Variants in NAALADL2 observed in about 807,000 individuals in gnomAD.
NAALADL2 encodes inactive N-acetylated-alpha-linked acidic dipeptidase-like protein 2.
In NAALADL2, 76 loss-of-function variants were observed where a neutral mutation model predicts 87.2. The ratio of observed to expected loss-of-function variants is 0.87; its 90% CI spans 0.72 to 1.05. NAALADL2 has a LOEUF of 1.05. Among genes scored for constraint, NAALADL2 ranks in the 50% least tolerant of loss-of-function variants. NAALADL2 has a pLI of 0.00. For synonymous variants in NAALADL2, 354 were observed against 331.0 expected, an observed-to-expected ratio of 1.07 and a Z score of -0.75; for missense variants, 1,089 against 945.8, an observed-to-expected ratio of 1.15 and a Z score of -1.99.
At position 175,698,944 on chromosome 3, in the gene NAALADL2, G is replaced by C. The variant is rs186194214; in HGVS notation, c.1897-38362G>C. Among the ~76,000 whole-genome samples the C allele has an allele frequency of 2.7e-3, 413 of 152,066 alleles. 2 individuals carry two copies. The highest frequency in any genetic ancestry group is 4.1e-3 in the Non-Finnish European group (276 of 67,896). ...CATAAAACTATCTAGCACTAATTCA[G>C]TAATATACAACAACACAGTAAGCTC... On this transcript the variant is annotated intron_variant, in intron 11 of 13. Transcript: ENST00000454872.
intron 1 of NAALADL2, among the ~76,000 whole-genome samples, chr3:174,881,133 A>G (rs1046163479): frequency 6.6e-6 from 1 of 152,218 alleles, no homozygotes; most frequent in South Asian, 2.1e-4. Context: ...GTTTTCAAAT[A>G]AGGTCAAAAA....
At chr3:175,602,713 G>A (rs967636713) in intron 10 of NAALADL2, among the ~76,000 whole-genome samples, 2 of 152,126 alleles carry the variant, frequency 1.3e-5, no homozygotes, top group African/African-American at 2.4e-5. Context: ...GTGATTCAGC[G>A]TTATCAGTTT....
At chr3:175,699,950 T>C (rs2149961669) in intron 11 of NAALADL2, among the ~76,000 whole-genome samples, 1 of 152,272 alleles carries the variant, frequency 6.6e-6, no homozygotes, top group East Asian at 1.9e-4. Flanking sequence ...TTTTCTGTAG[T>C]CCAGTTAGAA....
chr3:175,073,816 C>T (rs950177526), intron 1 of NAALADL2, among the ~76,000 whole-genome samples: 4 of 151,832 alleles, frequency 2.6e-5, no homozygotes, highest in Non-Finnish European at 5.9e-5. Flanking sequence ...TGATGTATTC[C>T]TTATAAAAGA....
chr3:175,293,487 CA>C (rs1269816909), intron 4 of NAALADL2, among the ~76,000 whole-genome samples: 1 of 152,116 alleles, frequency 6.6e-6, no homozygotes, highest in Non-Finnish European at 1.5e-5. Context: ...CCAAACAGTA[CA>C]TTTTTTTGAG....
intron 2 of NAALADL2, among the ~76,000 whole-genome samples, chr3:175,185,246 C>T (rs571371015): frequency 1.3e-5 from 2 of 152,198 alleles, no homozygotes; most frequent in East Asian, 3.9e-4. Flanking sequence ...CCTATCTATA[C>T]AGCTGAAGAT....
At chr3:175,422,443 C>T (rs775638653) in intron 5 of NAALADL2, among the ~76,000 whole-genome samples, 4 of 152,008 alleles carry the variant, frequency 2.6e-5, no homozygotes, top group Admixed American at 2.6e-4. Flanking sequence ...CCACTCTATA[C>T]AATATTCCTG....
At chr3:175,655,695 TAAATAAAATAAAATA>T (rs55666338) in intron 11 of NAALADL2, 16,654 of 148,024 alleles carry the variant, frequency 0.11, 1,272 homozygotes, top group African/African-American at 0.21. Context: ...CTTAAAAAAA[TAAATAAAATAAAATA>T]AAATAAAATA....
intron 5 of NAALADL2, among the ~76,000 whole-genome samples, chr3:175,383,916 C>A (rs1768070606): frequency 1.3e-5 from 2 of 151,958 alleles, no homozygotes; most frequent in African/African-American, 4.8e-5. Context: ...TAATTTTTAC[C>A]ACTGTGACTA....
At chr3:175,196,121 A>G (rs984188433) in intron 2 of NAALADL2, among the ~76,000 whole-genome samples, 6 of 151,876 alleles carry the variant, frequency 4.0e-5, no homozygotes, top group Admixed American at 2.6e-4. Context: ...GATGGAAACA[A>G]TTCAGAAAAA....
At chr3:175,567,768 T>C (rs9838337) in intron 9 of NAALADL2, among the ~76,000 whole-genome samples, 110,794 of 149,994 alleles carry the variant, frequency 0.74, 41,226 homozygotes, top group East Asian at 0.85. Flanking sequence ...CAGGCTGGAG[T>C]GCAGTGGCAC....
At chr3:174,893,718 A>C (rs999894243) in intron 1 of NAALADL2, among the ~76,000 whole-genome samples, 9 of 152,228 alleles carry the variant, frequency 5.9e-5, no homozygotes, top group African/African-American at 2.2e-4. Context: ...AGATAGAATG[A>C]GTACACAAAA....
intron 2 of NAALADL2, among the ~76,000 whole-genome samples, chr3:174,652,642 C>A (rs1048615674): frequency 6.6e-6 from 1 of 152,020 alleles, no homozygotes; most frequent in African/African-American, 2.4e-5. Flanking sequence ...CCCACAGGTC[C>A]CTCCCACAAC....
At chr3:175,491,780 A>G (rs1365672893) in intron 9 of NAALADL2, among the ~76,000 whole-genome samples, 4 of 152,190 alleles carry the variant, frequency 2.6e-5, no homozygotes, top group Non-Finnish European at 4.4e-5. Context: ...GTCAGCACCT[A>G]CAATCTATCT....
In NAALADL2 at chr3:175,447,389, C is replaced by T. The variant is rs375733677; in HGVS notation, c.1234+17C>T. 453 of 1,518,296 alleles carry T rather than the reference C, an allele frequency of 3.0e-4. No homozygotes were observed. Among genetic ancestry groups the T allele is most frequent in the Non-Finnish European group, 3.8e-4 (429 of 1,131,372 alleles). The allele number at this position is 1,518,296 out of a possible 1,614,324, so 94.1% of individuals were successfully genotyped here. ...CAAATAATGGTAAAGTATTTAATGT[C>T]GTTCTCTGTATTTTACAGTTTTTTT... On this transcript the variant is annotated intron_variant, in intron 6 of 13. Transcript: ENST00000454872.
chr3:175,752,053 ATTGT>A (rs1746686255), intron 12 of NAALADL2, among the ~76,000 whole-genome samples: 1 of 152,130 alleles, frequency 6.6e-6, no homozygotes, highest in Non-Finnish European at 1.5e-5. Context: ...TTTTGTAGAC[ATTGT>A]TTAATATAAT....
rs191071522 is a variant in NAALADL2, at chr3:175,249,389, A to T, written c.820-7022A>T. Among the ~76,000 whole-genome samples, 1,469 of 152,192 alleles carry T rather than the reference A, an allele frequency of 9.7e-3. 16 individuals are homozygous for T. The highest frequency in any genetic ancestry group is 0.014 in the Non-Finnish European group (959 of 67,986). ...AATAGAAATGAATTATTTTATCCCC[A>T]TTGCCATATTTATTAAACAATTTGA... On this transcript the variant is annotated intron_variant, in intron 3 of 13. Transcript: ENST00000454872.
intron 3 of NAALADL2, among the ~76,000 whole-genome samples, chr3:174,804,143 G>C (rs1463585263): frequency 6.6e-6 from 1 of 151,836 alleles, no homozygotes; most frequent in Non-Finnish European, 1.5e-5. Flanking sequence ...CTTTTATTTT[G>C]TTGAGCAGTG....
intron 1 of NAALADL2, among the ~76,000 whole-genome samples, chr3:174,985,813 G>T (rs1455349822): frequency 6.6e-6 from 1 of 151,994 alleles, no homozygotes; most frequent in Non-Finnish European, 1.5e-5. Context: ...TTAGCTGTGT[G>T]TGGTGGTGCA....
Sources: gnomAD v4.1 joint callset for allele counts (sites outside exome capture counted in the v4.1 genomes callset) on GRCh38, gnomAD v4.1.1 for gene constraint, MANE v1.5 for transcripts, NCBI Gene and HGNC (gene_info 2026-07-23, HGNC 2026-07-21) for gene names.